The following BOP1 variants were observed in gnomAD, a reference collection of about 807,000 sequenced individuals.
BOP1 encodes BOP1 ribosomal biogenesis factor, also known as ribosome biogenesis protein BOP1.
In BOP1, 54 loss-of-function variants were observed where a neutral mutation model predicts 82.9. That is an observed-to-expected ratio of 0.65 (90% CI 0.52 to 0.82). BOP1 has a LOEUF of 0.82. Among genes scored for constraint, BOP1 ranks in the 40% least tolerant of loss-of-function variants. The pLI is 0.00. For synonymous variants in BOP1, 566 were observed against 451.1 expected, an observed-to-expected ratio of 1.25 and a Z score of -3.23; for missense variants, 1,170 against 1,072.0, an observed-to-expected ratio of 1.09 and a Z score of -1.28.
At chr8:144,267,074 G>C (rs1429925368) in intron 3 of BOP1, 20 of 1,405,414 alleles carry the variant, frequency 1.4e-5, no homozygotes, top group Non-Finnish European at 1.8e-5. Flanking sequence ...CACGCGGCGC[G>C]CGCCGGCAGC....
chr8:144,272,845 C>A (rs1845512281), intron 3 of BOP1, among the ~76,000 whole-genome samples: 1 of 152,218 alleles, frequency 6.6e-6, no homozygotes, highest in African/African-American at 2.4e-5. Flanking sequence ...CCTAGGAGGG[C>A]CTTCAAGCCG....
Position 144,265,003 on chromosome 8 carries a change from G to A in BOP1, c.459C>T (p.Asp153=). 1 of 1,612,420 alleles carries A rather than the reference G, an allele frequency of 6.2e-7. No individual in the cohort carries two copies. Among genetic ancestry groups the A allele is most frequent in the East Asian group, 2.2e-5 (1 of 44,872 alleles). Residue 153 remains aspartate (D), a synonymous_variant, in exon 4 of 16, where the codon GAC becomes GAT. Coordinates refer to ENST00000569669, the MANE Select transcript of BOP1 (RefSeq NM_015201.5). ...GCTTGTAGATGCGCCTGCCATCCAG[G>A]TCGTAGCCCACGTGGGGGAAGTCAT... ...WYDDFPHVGY[D]LDGRRIYKPL... is the part of the protein sequence containing the mutation.
chr8:144,268,617 G>A lies in BOP1; in HGVS notation c.391-3546C>T, dbSNP rs999212999. On this transcript the variant is annotated intron_variant, in intron 3 of 15. Transcript: ENST00000569669. ...CTCCCTGGGAAGCCCCCACTTTCCA[G>A]GCTCAGGGCCACCCCTCCCTGGGCT... 7.2e-4 allele frequency: 147 copies of A among 203,374 alleles called. 3 individuals are homozygous for A. Among genetic ancestry groups the A allele is most frequent in the Non-Finnish European group, 1.5e-4 (15 of 100,156 alleles). The allele number at this position is 203,374 out of a possible 1,614,324, so 12.6% of individuals were successfully genotyped here. A position where few individuals can be genotyped will look rare whatever the true frequency, so the allele number is the denominator to read the frequency against.
At chr8:144,271,697 A>C (rs1445361741) in intron 3 of BOP1, among the ~76,000 whole-genome samples, 2 of 151,686 alleles carry the variant, frequency 1.3e-5, no homozygotes, top group Non-Finnish European at 2.9e-5. Flanking sequence ...AGAGGGGAGA[A>C]AGCCAGGTCC....
intron 2 of BOP1, among the ~76,000 whole-genome samples, chr8:144,284,628 C>T (rs1015005458): frequency 6.6e-6 from 1 of 152,194 alleles, no homozygotes; most frequent in Non-Finnish European, 1.5e-5. Context: ...GCACTGGAAA[C>T]AGTAGTTGCC....
chr8:144,263,310 C>G lies in BOP1; in HGVS notation c.1516G>C (p.Glu506Gln). The change falls in exon 12 of 16, where the codon GAG becomes CAG. Residue 506 changes from glutamate (E) to glutamine (Q), a missense_variant. Physicochemically the swap from Glu to Gln is conservative, Grantham distance 29. Transcript: ENST00000569669. Reference sequence around the variant, plus strand: ...CGGGCCGGCTGCAAGGGGGGCTCCTCAGGCGGGACGAAGGCGCTCAACAGC... The same window carrying G: ...CGGGCCGGCTGCAAGGGGGGCTCCTGAGGCGGGACGAAGGCGCTCAACAGC... The part of the protein sequence containing the change: ...DQLLSAFVPP[E>Q]EPPLQPARWL... 2 of 1,594,048 alleles carry G rather than the reference C, an allele frequency of 1.3e-6. No homozygotes were observed. The highest frequency in any genetic ancestry group is 1.1e-5 in the South Asian group (1 of 90,554).
intron 2 of BOP1, among the ~76,000 whole-genome samples, chr8:144,277,998 G>A (rs1352796762): frequency 6.6e-6 from 1 of 152,212 alleles, no homozygotes; most frequent in Non-Finnish European, 1.5e-5. Flanking sequence ...CCGGACTCCT[G>A]GGGACAGGAC....
chr8:144,265,469 A>AC (rs1411846097), intron 3 of BOP1: 14 of 267,966 alleles, frequency 5.2e-5, no homozygotes, highest in African/African-American at 2.2e-4. Flanking sequence ...CTCGGGGAAG[A>AC]CCCCAACTGA....
intron 3 of BOP1, among the ~76,000 whole-genome samples, chr8:144,272,127 A>G (rs908312889): frequency 0.98 from 148,867 of 152,102 alleles, 72,929 homozygotes; most frequent in Middle Eastern, 1. Context: ...CCAGGATGCT[A>G]GGGGTGGGGC....
chr8:144,278,028 G>C (rs868976844), intron 2 of BOP1, among the ~76,000 whole-genome samples: 14 of 152,346 alleles, frequency 9.2e-5, no homozygotes, highest in African/African-American at 2.9e-4. Flanking sequence ...CCACGCCCAT[G>C]CCTGGAGTCA....
chr8:144,263,154 A>G lies in BOP1; in HGVS notation c.1606-13T>C. 1 of 1,593,510 alleles carries G rather than the reference A, an allele frequency of 6.3e-7. No homozygotes were observed. The highest frequency in any genetic ancestry group is 8.5e-7 in the Non-Finnish European group (1 of 1,178,778). ...CCTGCGTCACTGGCTGCAGGAGAGC[A>G]AGGCTGGCTGAGTGGCTGAGCCGGG... On this transcript the variant is annotated splice_polypyrimidine_tract_variant and intron_variant, in intron 12 of 15. Transcript: ENST00000569669.
intron 3 of BOP1, chr8:144,267,197 G>A (rs1845393914): frequency 6.7e-7 from 1 of 1,498,704 alleles, no homozygotes; most frequent in Non-Finnish European, 8.8e-7. Context: ...ACGGGCCGTG[G>A]GGCGCCGAGG....
In BOP1 at chr8:144,264,269, C is replaced by T. The variant is rs1008946352; in HGVS notation, c.934G>A (p.Glu312Lys). 62 of 1,610,924 alleles carry T rather than the reference C, an allele frequency of 3.8e-5. No individual in the cohort carries two copies. The highest frequency in any genetic ancestry group is 1.8e-4 in the East Asian group (8 of 44,878). ...APKLALPGHA[E>K]SYNPPPEYLL... ...TATTCAGGGGGTGGGTTGTACGACT[C>T]GGCGTGGCCTGGCAGGGCCAGCTTG... Residue 312 changes from glutamate (E) to lysine (K), a missense_variant, in exon 7 of 16, where the codon GAG (glutamate) becomes AAG (lysine). Coordinates refer to ENST00000569669, the MANE Select transcript of BOP1 (RefSeq NM_015201.5).
intron 3 of BOP1, among the ~76,000 whole-genome samples, chr8:144,274,370 A>C (rs994103213): frequency 6.6e-6 from 1 of 151,526 alleles, no homozygotes; most frequent in Non-Finnish European, 1.5e-5. Context: ...TGCTCTCCTC[A>C]CCCCACTGTC....
rs1186501808 is a variant in BOP1, at chr8:144,276,944, ACC to A, written c.310-642_310-641del. Reference sequence around the variant, plus strand: ...CCCACCACGTCCACAGCCCAGGCTGACCCCATCCCGCCGGGTCACAGAGTGGG... The same window carrying A: ...CCCACCACGTCCACAGCCCAGGCTGACCATCCCGCCGGGTCACAGAGTGGG... On this transcript the variant is annotated intron_variant, in intron 2 of 15. Transcript: ENST00000569669. Among the ~76,000 whole-genome samples, 234 of 152,226 alleles carry A rather than the reference ACC, an allele frequency of 1.5e-3. 1 individual carries two copies. Among genetic ancestry groups the A allele is most frequent in the African/African-American group, 5.3e-3 (222 of 41,536 alleles).
chr8:144,266,969 TG>T, intron 3 of BOP1: 1 of 1,555,406 alleles, frequency 6.4e-7, no homozygotes, highest in Non-Finnish European at 8.6e-7. Flanking sequence ...ACGCTGCGCC[TG>T]GCCTCCAGCT....
intron 2 of BOP1, among the ~76,000 whole-genome samples, chr8:144,288,856 C>T (rs1056204560): frequency 6.6e-6 from 1 of 152,234 alleles, no homozygotes; most frequent in Non-Finnish European, 1.5e-5. Context: ...GTTGCCCGAG[C>T]ATCGTCTGAC....
rs577509352 is a variant in BOP1, at chr8:144,289,005, G to A, written c.309+90C>T. On this transcript the variant is annotated intron_variant, in intron 2 of 15. Coordinates refer to ENST00000569669, the MANE Select transcript of BOP1 (RefSeq NM_015201.5). ...GCCGGCCTTGGGGTTCTGAGGGACG[G>A]TGGAGAAGGCAGTACAGTGGCAGTC... is the stretch of plus-strand genomic sequence containing the variant. 9.3e-5 allele frequency: 132 copies of A among 1,413,038 alleles called. No homozygotes were observed. In the South Asian group the frequency reaches 1.5e-3, roughly 16 times the overall value. The allele number at this position is 1,413,038 out of a possible 1,614,324, so 87.5% of individuals were successfully genotyped here.
At chr8:144,269,010 A>C (rs1419993341) in intron 3 of BOP1, among the ~76,000 whole-genome samples, 2 of 152,058 alleles carry the variant, frequency 1.3e-5, no homozygotes, top group African/African-American at 4.8e-5. Context: ...GACTGGAGAG[A>C]GGGGCATCTC....
Sources: gnomAD v4.1 joint callset for allele counts (sites outside exome capture counted in the v4.1 genomes callset) on GRCh38, gnomAD v4.1.1 for gene constraint, MANE v1.5 for transcripts, NCBI Gene and HGNC (gene_info 2026-07-23, HGNC 2026-07-21) for gene names.